Variants in AK5 observed in about 807,000 individuals in gnomAD.
The protein encoded by AK5 is adenylate kinase 5, also known as adenylate kinase isoenzyme 5.
Under a neutral mutation model 69.5 loss-of-function variants are expected in AK5, and 27 were observed. The ratio of observed to expected loss-of-function variants is 0.39; its 90% CI spans 0.29 to 0.54. The LOEUF (loss-of-function observed/expected upper bound fraction) is 0.54, where lower values mean the gene tolerates loss of function less well. Among genes scored for constraint, AK5 ranks in the 20% least tolerant of loss-of-function variants. The pLI is 0.71. For missense variants in AK5, 531 were observed against 700.4 expected, an observed-to-expected ratio of 0.76 and a Z score of 2.73; for synonymous variants, 260 against 244.4, an observed-to-expected ratio of 1.06 and a Z score of -0.60.
At chr1:77,344,277 C>T (rs965220473) in intron 6 of AK5, among the ~76,000 whole-genome samples, 1 of 152,194 alleles carries the variant, frequency 6.6e-6, no homozygotes, top group Non-Finnish European at 1.5e-5. Context: ...TGTCCATATG[C>T]AGTCATGTGT....
intron 7 of AK5, 108 bp downstream of exon 7, chr1:77,411,179 A>C (rs1365525827): frequency 1.2e-6 from 1 of 867,366 alleles, no homozygotes; most frequent in Non-Finnish European, 1.8e-6. Flanking sequence ...GTTTTGAAGG[A>C]TGACAAAGTC....
intron 8 of AK5, among the ~76,000 whole-genome samples, chr1:77,430,671 G>A (rs1005261048): frequency 1.3e-5 from 2 of 152,282 alleles, no homozygotes; most frequent in Admixed American, 6.5e-5. Context: ...AGAGAAAGAT[G>A]AAAGAGCAGA....
intron 13 of AK5, among the ~76,000 whole-genome samples, chr1:77,544,824 T>C (rs1037346488): frequency 6.6e-6 from 1 of 152,212 alleles, no homozygotes; most frequent in Non-Finnish European, 1.5e-5. Flanking sequence ...ATTGAAAGTA[T>C]AATATAGGAA....
Position 77,439,863 on chromosome 1 carries a change from G to A in AK5, c.1059+22148G>A, listed in dbSNP as rs546115768. 3.7e-4 allele frequency among the ~76,000 whole-genome samples: 55 copies of A among 149,024 alleles called. No homozygotes were observed. In the South Asian group the frequency reaches 7.7e-3, roughly 21 times the overall value. On this transcript the variant is annotated intron_variant, in intron 8 of 13. Coordinates refer to ENST00000354567, the MANE Select transcript of AK5 (RefSeq NM_174858.3). The stretch of plus-strand genomic sequence containing the variant: ...TTCCTTATTCATTCATCCATTGATG[G>A]ACACTCAGGTTGATTCCATATCTTT...
rs143355771 is a variant in AK5, at chr1:77,366,437, G to A, written c.891+25869G>A. On this transcript the variant is annotated intron_variant, in intron 6 of 13. Transcript: ENST00000354567. Reference sequence around the variant, plus strand: ...CAACCTTTAATTATAATATGGATAAGACTATTATATTTATAGAGATAAAAT... The same window carrying A: ...CAACCTTTAATTATAATATGGATAAAACTATTATATTTATAGAGATAAAAT... Among the ~76,000 whole-genome samples the A allele has an allele frequency of 3.7e-4, 57 of 152,238 alleles. 1 individual carries two copies. In the East Asian group the frequency reaches 0.011, roughly 29 times the overall value.
chr1:77,524,703 T>G lies in AK5; in HGVS notation c.1428+2760T>G, dbSNP rs200153020. Among the ~76,000 whole-genome samples, 9 of 152,342 alleles carry G rather than the reference T, an allele frequency of 5.9e-5. No homozygotes were observed. The East Asian group carries it at 1.3e-3, about 23-fold the overall frequency. ...TTCATTTGATAGGCTGTCTTTTCAC[T>G]CTTTTGGTTGTGTCCTTTGATGCAC... On this transcript the variant is annotated intron_variant, in intron 12 of 13. Coordinates refer to ENST00000354567, the MANE Select transcript of AK5 (RefSeq NM_174858.3).
In AK5 at chr1:77,513,532, A is replaced by G. The variant is rs1204846939; in HGVS notation, c.1148-5032A>G. ...AACATCCTGGAGTTAGTAAGATGCAATAAAATGTCAACAAAAGTCATTTTA... is the reference window on the plus strand; with the variant it reads ...AACATCCTGGAGTTAGTAAGATGCAGTAAAATGTCAACAAAAGTCATTTTA... On this transcript the variant is annotated intron_variant, in intron 10 of 13. Transcript: ENST00000354567. Among the ~76,000 whole-genome samples, 3 of 152,222 alleles carry G rather than the reference A, an allele frequency of 2.0e-5. No homozygotes were observed. In the East Asian group the frequency reaches 5.8e-4, roughly 29 times the overall value.
chr1:77,531,988 ATCC>A (rs1227071312), intron 12 of AK5: 2 of 81,306 alleles, frequency 2.5e-5, no homozygotes, highest in Non-Finnish European at 7.0e-5. Flanking sequence ...GCCTGCGGCC[ATCC>A]GGCCGGCCGG....
intron 5 of AK5, among the ~76,000 whole-genome samples, chr1:77,338,349 G>C (rs1160942659): frequency 2.0e-5 from 3 of 152,184 alleles, no homozygotes; most frequent in Non-Finnish European, 2.9e-5. Context: ...GGTTAGAATA[G>C]ATACTAAGTC....
Position 77,367,579 on chromosome 1 carries a change from A to ATGTAT in AK5, c.891+27011_891+27012insTGTAT, listed in dbSNP as rs71075732. On this transcript the variant is annotated intron_variant, in intron 6 of 13. Coordinates refer to ENST00000354567, the MANE Select transcript of AK5 (RefSeq NM_174858.3). ...TTTTTATATATATATATATATATATAATATATATGTTATATATGTAATATA... is the reference window on the plus strand; with the variant it reads ...TTTTTATATATATATATATATATATATGTATATATATATGTTATATATGTAATATA... Among the ~76,000 whole-genome samples the ATGTAT allele has an allele frequency of 1.7e-4, 9 of 53,364 alleles. 2 individuals are homozygous for ATGTAT. The highest frequency in any genetic ancestry group is 8.5e-4 in the African/African-American group (8 of 9,408). 35.0% of individuals were successfully genotyped at this position (53,364 alleles called of 152,430 possible).
At chr1:77,475,386 A>T (rs1445160005) in intron 8 of AK5, among the ~76,000 whole-genome samples, 1 of 23,800 alleles carries the variant, frequency 4.2e-5, no homozygotes, top group African/African-American at 1.7e-4. Context: ...TATTATATAT[A>T]TGTATATATA....
intron 13 of AK5, among the ~76,000 whole-genome samples, chr1:77,550,801 G>A (rs74090644): frequency 0.033 from 4,956 of 152,282 alleles, 143 homozygotes; most frequent in African/African-American, 0.076. Context: ...GAGCTAACCT[G>A]TAGAATGAAA....
intron 12 of AK5, among the ~76,000 whole-genome samples, chr1:77,529,603 G>A (rs571141901): frequency 6.6e-6 from 1 of 152,268 alleles, no homozygotes; most frequent in South Asian, 2.1e-4. Flanking sequence ...GACTATAGGC[G>A]TGAGCCATTT....
chr1:77,511,496 G>A (rs1393561237), intron 10 of AK5, among the ~76,000 whole-genome samples: 1 of 152,160 alleles, frequency 6.6e-6, no homozygotes, highest in African/African-American at 2.4e-5. Context: ...TGAGTAAGAG[G>A]GTTAAAAATG....
chr1:77,378,867 C>A (rs1043949095), intron 6 of AK5, among the ~76,000 whole-genome samples: 1 of 152,026 alleles, frequency 6.6e-6, no homozygotes, highest in African/African-American at 2.4e-5. Flanking sequence ...AGCAAACTGC[C>A]GTCAGTCTGA....
intron 13 of AK5, among the ~76,000 whole-genome samples, chr1:77,539,240 A>G (rs1395236304): frequency 6.6e-6 from 1 of 152,206 alleles, no homozygotes; most frequent in Non-Finnish European, 1.5e-5. Flanking sequence ...AGTCCAAACC[A>G]ATGGCCTCCT....
chr1:77,544,220 T>C (rs2100379742), intron 13 of AK5, among the ~76,000 whole-genome samples: 1 of 152,320 alleles, frequency 6.6e-6, no homozygotes, highest in East Asian at 1.9e-4. Flanking sequence ...GTGTTTACCA[T>C]GAATCCAGCT....
chr1:77,493,328 G>GC (rs138633618), intron 10 of AK5, among the ~76,000 whole-genome samples: 23,800 of 150,600 alleles, frequency 0.16, 2,194 homozygotes, highest in South Asian at 0.36. Flanking sequence ...GACACCAGCA[G>GC]CCCCCCCCAG....
chr1:77,370,563 TA>T (rs1010066181), intron 6 of AK5, among the ~76,000 whole-genome samples: 7 of 152,016 alleles, frequency 4.6e-5, no homozygotes, highest in East Asian at 1.9e-4. Flanking sequence ...AAATTAAAAT[TA>T]AAAAAAACTT....
Sources: allele counts gnomAD v4.1 joint callset (sites outside exome capture counted in the v4.1 genomes callset), GRCh38; gene constraint gnomAD v4.1.1; transcripts MANE v1.5; gene names NCBI Gene and HGNC (gene_info 2026-07-23, HGNC 2026-07-21).